The following RAPGEF4 variants were observed in gnomAD, a reference collection of about 807,000 sequenced individuals.
RAPGEF4 encodes RAP guanine-nucleotide-exchange factor (GEF) 4.
A neutral mutation model predicts 147.9 loss-of-function variants in RAPGEF4; 66 were observed. The ratio of observed to expected loss-of-function variants is 0.45; its 90% CI spans 0.37 to 0.55. The LOEUF is 0.55. Among genes scored for constraint, RAPGEF4 ranks in the 20% least tolerant of loss-of-function variants. The pLI is 0.00. For synonymous variants in RAPGEF4, 419 were observed against 442.7 expected, an observed-to-expected ratio of 0.95 and a Z score of 0.67; for missense variants, 1,071 against 1,257.3, an observed-to-expected ratio of 0.85 and a Z score of 2.24.
chr2:173,041,489 C>T (rs1001813198), intron 29 of RAPGEF4, among the ~76,000 whole-genome samples: 6 of 152,084 alleles, frequency 3.9e-5, no homozygotes, highest in Admixed American at 1.3e-4. Context: ...TAGAAAGTAA[C>T]CCTGGGCCTT....
intron 6 of RAPGEF4, among the ~76,000 whole-genome samples, chr2:172,954,223 A>C (rs1688506676): frequency 6.6e-6 from 1 of 152,190 alleles, no homozygotes; most frequent in African/African-American, 2.4e-5. Context: ...GCAATTAATC[A>C]GAACTACCAT....
intron 4 of RAPGEF4, among the ~76,000 whole-genome samples, chr2:172,836,595 C>T (rs1690963023): frequency 6.6e-6 from 1 of 152,192 alleles, no homozygotes; most frequent in Admixed American, 6.5e-5. Flanking sequence ...GCACTTCCTG[C>T]TTTCCAGCTG....
intron 1 of RAPGEF4, 75 bp downstream of exon 1, chr2:172,736,123 C>A: frequency 1.7e-6 from 2 of 1,188,284 alleles, no homozygotes; most frequent in Non-Finnish European, 2.1e-6. Flanking sequence ...CGCAGCTCCG[C>A]ACCTGGGCGC....
chr2:173,046,615 A>G (rs186276786), intron 29 of RAPGEF4, among the ~76,000 whole-genome samples: 1 of 152,362 alleles, frequency 6.6e-6, no homozygotes, highest in African/African-American at 2.4e-5. Flanking sequence ...AAAGTAAATT[A>G]GCAGGGAAGT....
At chr2:172,874,259 T>A (rs1041185915) in intron 4 of RAPGEF4, among the ~76,000 whole-genome samples, 14 of 152,202 alleles carry the variant, frequency 9.2e-5, no homozygotes, top group African/African-American at 2.7e-4. Flanking sequence ...GTATTTTTTT[T>A]AAATTATACT....
chr2:172,863,740 T>C (rs1694289672), intron 4 of RAPGEF4, among the ~76,000 whole-genome samples: 1 of 152,156 alleles, frequency 6.6e-6, no homozygotes, highest in Non-Finnish European at 1.5e-5. Context: ...GGCAAAAAGG[T>C]TGTTTTCCAC....
chr2:172,830,096 G>T (rs1690130030), intron 4 of RAPGEF4, among the ~76,000 whole-genome samples: 1 of 152,076 alleles, frequency 6.6e-6, no homozygotes, highest in South Asian at 2.1e-4. Context: ...ATTTTCTGTG[G>T]AATTAAAAGA....
chr2:172,871,538 G>T (rs1695234920), intron 4 of RAPGEF4, among the ~76,000 whole-genome samples: 1 of 151,716 alleles, frequency 6.6e-6, no homozygotes, highest in Admixed American at 6.6e-5. Flanking sequence ...TCTTTGCCAG[G>T]GCCTTCAGTT....
At chr2:172,897,644 C>T (rs1196884603) in intron 4 of RAPGEF4, among the ~76,000 whole-genome samples, 1 of 151,984 alleles carries the variant, frequency 6.6e-6, no homozygotes, top group East Asian at 1.9e-4. Context: ...TCAAAGGATC[C>T]TCTCACCTCA....
Position 172,858,356 on chromosome 2 carries a change from T to G in RAPGEF4, c.444+43931T>G, listed in dbSNP as rs138144819. Among the ~76,000 whole-genome samples the G allele has an allele frequency of 5.9e-5, 9 of 152,334 alleles. No homozygotes were observed. The East Asian group carries it at 1.7e-3, about 29-fold the overall frequency. ...ATAGTTCATAAGCTGATTTGTAGAGTAGTAAAATCTTGTTCATGTATGTTA... is the reference window on the plus strand; with the variant it reads ...ATAGTTCATAAGCTGATTTGTAGAGGAGTAAAATCTTGTTCATGTATGTTA... On this transcript the variant is annotated intron_variant, in intron 4 of 30. Coordinates refer to ENST00000397081, the MANE Select transcript of RAPGEF4 (RefSeq NM_007023.4).
intron 13 of RAPGEF4, among the ~76,000 whole-genome samples, 175 bp downstream of exon 13, chr2:172,988,447 A>T (rs1692494234): frequency 6.6e-6 from 1 of 152,186 alleles, no homozygotes; most frequent in East Asian, 1.9e-4. Flanking sequence ...TTAAAGTTGT[A>T]TTGTACTTTC....
intron 1 of RAPGEF4, among the ~76,000 whole-genome samples, chr2:172,758,269 A>G (rs1248715047): frequency 6.6e-6 from 1 of 152,128 alleles, no homozygotes; most frequent in East Asian, 1.9e-4. Context: ...GGCCAGGGTG[A>G]AGTGAACAAG....
At position 173,036,125 on chromosome 2, in the gene RAPGEF4, G is replaced by T. The variant is rs1204641003; in HGVS notation, c.2701G>T (p.Asp901Tyr). The T allele has an allele frequency of 6.2e-7, 1 of 1,604,720 alleles. No individual in the cohort carries two copies. Among genetic ancestry groups the T allele is most frequent in the Non-Finnish European group, 8.5e-7 (1 of 1,171,852 alleles). The change falls in exon 28 of 31, where the codon GAC (aspartate) becomes TAC (tyrosine). Residue 901 changes from aspartate to tyrosine, a missense_variant and splice_region_variant. Transcript: ENST00000397081. ...CCATCATCTCTTTTTCTCTCCTAAG[G>T]ACCCTTCAAGGAACCACAGGGCCTA... is the stretch of plus-strand genomic sequence containing the variant. The part of the protein sequence containing the change: ...KFYAEFESLM[D>Y]PSRNHRAYRL...
chr2:172,961,520 A>G (rs908694772), intron 8 of RAPGEF4, among the ~76,000 whole-genome samples: 1 of 152,210 alleles, frequency 6.6e-6, no homozygotes, highest in African/African-American at 2.4e-5. Flanking sequence ...GAAGCCTACT[A>G]GATTTAGATC....
At chr2:172,919,967 TG>T (rs1559120753) in intron 5 of RAPGEF4, among the ~76,000 whole-genome samples, 1 of 152,128 alleles carries the variant, frequency 6.6e-6, no homozygotes, top group Non-Finnish European at 1.5e-5. Flanking sequence ...CACCTGGCCT[TG>T]GGCCTCATCT....
At chr2:172,931,287 A>G (rs1685945864) in intron 6 of RAPGEF4, among the ~76,000 whole-genome samples, 1 of 151,052 alleles carries the variant, frequency 6.6e-6, no homozygotes, top group African/African-American at 2.4e-5. Context: ...GCGTAATTCT[A>G]GATAAGATCA....
At chr2:172,924,730 T>C (rs935521758) in intron 6 of RAPGEF4, among the ~76,000 whole-genome samples, 4 of 152,222 alleles carry the variant, frequency 2.6e-5, no homozygotes, top group African/African-American at 9.6e-5. Flanking sequence ...AGGAGACAAG[T>C]TGTATTATGA....
At chr2:172,985,571 A>C in intron 12 of RAPGEF4, 78 bp downstream of exon 12, 3 of 1,571,050 alleles carry the variant, frequency 1.9e-6, no homozygotes, top group Non-Finnish European at 2.6e-6. Flanking sequence ...CCAGGCTGCT[A>C]ACGCCTCACT....
At chr2:173,048,812 AT>A (rs796416633) in intron 30 of RAPGEF4, among the ~76,000 whole-genome samples, 158 bp downstream of exon 30, 1 of 151,996 alleles carries the variant, frequency 6.6e-6, no homozygotes, top group Non-Finnish European at 1.5e-5. Context: ...GAGTTTAAAG[AT>A]TTTTTTTGCT....
Sources: gnomAD v4.1 joint callset for allele counts (sites outside exome capture counted in the v4.1 genomes callset) on GRCh38, gnomAD v4.1.1 for gene constraint, MANE v1.5 for transcripts, NCBI Gene and HGNC (gene_info 2026-07-23, HGNC 2026-07-21) for gene names.